The following PMPCA variants were observed in gnomAD, a reference collection of about 807,000 sequenced individuals.
PMPCA encodes the protein mitochondrial-processing peptidase subunit alpha.
A neutral mutation model predicts 59.3 loss-of-function variants in PMPCA; 47 were observed. That is an observed-to-expected ratio of 0.79 (90% CI 0.63 to 1.01). The LOEUF is 1.01. Among genes scored for constraint, PMPCA ranks in the 50% least tolerant of loss-of-function variants. The pLI, the probability that PMPCA is intolerant of heterozygous loss-of-function variation, is 0.00. For missense variants in PMPCA, 726 were observed against 704.5 expected, an observed-to-expected ratio of 1.03 and a Z score of -0.34; for synonymous variants, 338 against 290.3, an observed-to-expected ratio of 1.16 and a Z score of -1.67.
chr9:136,417,169 G>C lies in PMPCA; in HGVS notation c.852G>C (p.Val284=). ...CGGCCTGGGGGAGCGCAGAGGCCGT[G>C]GATATTGACAGATCTGTGGCCCAGT... The part of the protein sequence containing the change: ...VQPAWGSAEA[V]DIDRSVAQYT... The change falls in exon 7 of 13, where the codon GTG becomes GTC. Residue 284 remains valine, a synonymous_variant. Transcript: ENST00000371717. The C allele has an allele frequency of 1.2e-6, 2 of 1,607,954 alleles. No homozygotes were observed. Among genetic ancestry groups the C allele is most frequent in the East Asian group, 4.5e-5 (2 of 44,732 alleles).
rs770360676 is a variant in PMPCA at position 136,412,851 on chromosome 9, G to A, written c.396G>A (p.Thr132=). 8.1e-6 allele frequency: 13 copies of A among 1,610,438 alleles called. No homozygotes were observed. Among genetic ancestry groups the A allele is most frequent in the African/African-American group, 1.3e-5 (1 of 74,884 alleles). ...RFDSKDEILL[T]LEKHGGICDC... ...ACAGCAAAGATGAAATTCTGCTTAC[G>A]TTGGAAAAGCATGGGGGTATCTGTG... Residue 132 remains threonine (T), a synonymous_variant, in exon 4 of 13, where the codon ACG becomes ACA. Transcript: ENST00000371717.
rs751526086 is a variant in PMPCA, at chr9:136,418,639, A to G, written c.1075A>G (p.Met359Val). Reference protein sequence around the residue: ...SFSAGGPGKGMFSRLYLNVLN... With the variant: ...SFSAGGPGKGVFSRLYLNVLN... ...CTCGGCTGGTGGGCCCGGCAAGGGC[A>G]TGTTCTCCAGGCTCTACCTCAACGT... The change falls in exon 9 of 13, where the codon ATG becomes GTG. Residue 359 changes from methionine (M) to valine (V), a missense_variant. By Grantham distance (21) the Met-to-Val change is conservative. Coordinates refer to ENST00000371717, the MANE Select transcript of PMPCA (RefSeq NM_015160.3). 1 of 1,613,184 alleles carries G rather than the reference A, an allele frequency of 6.2e-7. No individual in the cohort carries two copies. Among genetic ancestry groups the G allele is most frequent in the Non-Finnish European group, 8.5e-7 (1 of 1,179,118 alleles).
chr9:136,416,352 G>A lies in PMPCA; in HGVS notation c.594G>A (p.Arg198=). The A allele has an allele frequency of 1.2e-6, 2 of 1,613,916 alleles. No homozygotes were observed. Among genetic ancestry groups the A allele is most frequent in the Non-Finnish European group, 1.7e-6 (2 of 1,179,824 alleles). Residue 198 remains arginine (R), a synonymous_variant, in exon 6 of 13, where the codon CGG becomes CGA. Coordinates refer to ENST00000371717, the MANE Select transcript of PMPCA (RefSeq NM_015160.3). ...VQFELEDLNL[R]PDPEPLLTEM... ...TTGAGCTGGAGGACCTGAACCTGCG[G>A]CCTGACCCAGAGCCACTTCTCACCG... is the stretch of plus-strand genomic sequence containing the variant.
At chr9:136,419,341 C>T (rs533439316) in intron 11 of PMPCA, 15 of 601,594 alleles carry the variant, frequency 2.5e-5, no homozygotes, top group African/African-American at 2.0e-4. Context: ...AAAAACAGAC[C>T]ACCGCCCTCC....
chr9:136,422,679 C>T, intron 12 of PMPCA: 1 of 1,036,034 alleles, frequency 9.7e-7, no homozygotes, highest in African/African-American at 1.7e-5. Flanking sequence ...AACAGACCCA[C>T]CTGGACCCTA....
In PMPCA at chr9:136,412,065, C is replaced by G. The variant is rs1450652782; in HGVS notation, c.140C>G (p.Pro47Arg). Reference sequence around the variant, plus strand: ...TATCCCAACATCCCCCTCTCTTCTCCCTTACCTGGAGTACCCAAGCCTGTT... The same window carrying G: ...TATCCCAACATCCCCCTCTCTTCTCGCTTACCTGGAGTACCCAAGCCTGTT... ...GAYPNIPLSS[P>R]LPGVPKPVFA... Residue 47 changes from proline to arginine, a missense_variant, in exon 2 of 13, where the codon CCC becomes CGC. Physicochemically the swap from Pro to Arg is moderately radical, Grantham distance 103. Transcript: ENST00000371717. 1.9e-6 allele frequency: 3 copies of G among 1,613,330 alleles called. No homozygotes were observed. The Admixed American group carries it at 5.0e-5, about 27-fold the overall frequency.
intron 5 of PMPCA, 26 bp downstream of exon 5, chr9:136,414,673 G>C (rs1370202417): frequency 1.3e-6 from 2 of 1,484,536 alleles, no homozygotes; most frequent in Non-Finnish European, 1.9e-6. Flanking sequence ...GCTGGCGTTT[G>C]AGGTGGGCTT....
chr9:136,423,321 G>T lies in PMPCA; in HGVS notation c.*57G>T, dbSNP rs567324012. 2 of 1,536,942 alleles carry T rather than the reference G, an allele frequency of 1.3e-6. No individual in the cohort carries two copies. Among genetic ancestry groups the T allele is most frequent in the Admixed American group, 1.9e-5 (1 of 52,424 alleles). ...CTGCAGCTGGAGCCCGTTCCCGTGC[G>T]TGTTAGTTTGGACACGAATTTAGTC... is the stretch of plus-strand genomic sequence containing the variant. On this transcript the variant is annotated 3_prime_UTR_variant, in exon 13 of 13. Transcript: ENST00000371717.
chr9:136,419,054 T>A lies in PMPCA; in HGVS notation c.1211T>A (p.Met404Lys). The A allele has an allele frequency of 6.2e-7, 1 of 1,613,932 alleles. No homozygotes were observed. Among genetic ancestry groups the A allele is most frequent in the Non-Finnish European group, 8.5e-7 (1 of 1,179,808 alleles). The change falls in exon 11 of 13, where the codon ATG becomes AAG. Residue 404 changes from methionine to lysine, a missense_variant. Transcript: ENST00000371717. ...ASADPRQVRE[M>K]VEIITKEFIL... Reference sequence around the variant, plus strand: ...TGCCCTTCTTCGCAGGTTCGAGAAATGGTAGAAATCATCACAAAGGAGTTT... The same window carrying A: ...TGCCCTTCTTCGCAGGTTCGAGAAAAGGTAGAAATCATCACAAAGGAGTTT...
Position 136,421,991 on chromosome 9 carries a change from G to T in PMPCA, c.1408+15G>T. ...CACGCTCATCCGTGAGTACCGCAGG[G>T]GTAGTGAGGGGCTGCCGCAGGCCTC... On this transcript the variant is annotated intron_variant, in intron 12 of 12. Transcript: ENST00000371717. 6.3e-7 allele frequency: 1 copy of T among 1,599,568 alleles called. No homozygotes were observed. The highest frequency in any genetic ancestry group is 1.1e-5 in the South Asian group (1 of 89,758).
intron 11 of PMPCA, 73 bp from the exon 12 acceptor site, chr9:136,421,759 G>T: frequency 7.2e-7 from 1 of 1,392,716 alleles, no homozygotes; most frequent in Non-Finnish European, 9.8e-7. Flanking sequence ...ATGGCGTTTT[G>T]CCATTGCTCG....
At chr9:136,414,502 A>G in intron 4 of PMPCA, 51 bp from the exon 5 acceptor site, 1 of 1,248,096 alleles carries the variant, frequency 8.0e-7, no homozygotes, top group Non-Finnish European at 1.2e-6. Flanking sequence ...CTGGCTGTTA[A>G]GCAGAGTGTG....
rs371803724 is a variant in PMPCA at position 136,419,006 on chromosome 9, C to T, written c.1201-38C>T. On this transcript the variant is annotated intron_variant, in intron 10 of 12. Transcript: ENST00000371717. ...CTAGACGGGTCAGTAGGCCGGCAGG[C>T]GCAGGCCACACTGTTATCGTCTTGC... 10 of 1,598,932 alleles carry T rather than the reference C, an allele frequency of 6.3e-6. No individual in the cohort carries two copies. The Admixed American group carries it at 6.7e-5, about 11-fold the overall frequency.
At chr9:136,416,432 G>C in intron 6 of PMPCA, 41 bp downstream of exon 6, 1 of 1,385,234 alleles carries the variant, frequency 7.2e-7, no homozygotes, top group East Asian at 2.3e-5. Flanking sequence ...ATCTCGAACA[G>C]TGGTCCTCGG....
At chr9:136,415,553 C>T (rs935024556) in intron 5 of PMPCA, among the ~76,000 whole-genome samples, 7 of 152,314 alleles carry the variant, frequency 4.6e-5, no homozygotes, top group Middle Eastern at 6.8e-3. Flanking sequence ...CAGCAGCTTG[C>T]GCTTGGTGTT....
intron 2 of PMPCA, 61 bp downstream of exon 2, chr9:136,412,260 G>A: frequency 8.4e-7 from 1 of 1,197,354 alleles, no homozygotes; most frequent in South Asian, 1.2e-5. Flanking sequence ...TGCTTTAGTT[G>A]ACTGTTAGTT....
At chr9:136,416,634 A>C (rs1404164130) in intron 6 of PMPCA, 10 of 609,690 alleles carry the variant, frequency 1.6e-5, no homozygotes, top group Admixed American at 2.7e-5. Flanking sequence ...GGCGTGAGTC[A>C]CCGCACTCAG....
chr9:136,415,215 G>A (rs1835240530), intron 5 of PMPCA, among the ~76,000 whole-genome samples: 1 of 152,202 alleles, frequency 6.6e-6, no homozygotes, highest in Non-Finnish European at 1.5e-5. Flanking sequence ...AGACCAGTCT[G>A]AGCAACATAG....
rs57128281 is a variant in PMPCA, at chr9:136,421,404, GT to G, written c.1264-405del. On this transcript the variant is annotated intron_variant, in intron 11 of 12. Coordinates refer to ENST00000371717, the MANE Select transcript of PMPCA (RefSeq NM_015160.3). ...GCCTGTGACTTGGGCCTGGGTTCCC[GT>G]TTTTTTTTTTTTTTTTTTTTTTGAG... Among the ~76,000 whole-genome samples the G allele has an allele frequency of 9.3e-3, 1,093 of 117,930 alleles. 4 individuals carry two copies. Among genetic ancestry groups the G allele is most frequent in the African/African-American group, 0.032 (999 of 31,708 alleles). The allele number at this position is 117,930 out of a possible 152,430, so 77.4% of individuals were successfully genotyped here.
Sources: allele counts gnomAD v4.1 joint callset (sites outside exome capture counted in the v4.1 genomes callset), GRCh38; gene constraint gnomAD v4.1.1; transcripts MANE v1.5; gene names NCBI Gene and HGNC (gene_info 2026-07-23, HGNC 2026-07-21).